Variants in HEATR5B observed in about 807,000 individuals in gnomAD.
HEATR5B encodes the protein HEAT repeat-containing protein 5B.
Under a neutral mutation model 224.1 loss-of-function variants are expected in HEATR5B, and 156 were observed. The ratio of observed to expected loss-of-function variants is 0.70; its 90% CI spans 0.61 to 0.80. The LOEUF (loss-of-function observed/expected upper bound fraction) is 0.80. Ranked by LOEUF, HEATR5B falls within the 30% of genes least tolerant of loss-of-function variation. The pLI, the probability that HEATR5B is intolerant of heterozygous loss-of-function variation, is 0.00. For missense variants in HEATR5B, 2,323 were observed against 2,535.5 expected (o/e 0.92, Z 1.80); for synonymous variants, 1,027 against 893.0 (o/e 1.15, Z -2.68).
At chr2:37,016,912 C>A (rs142963803) in intron 26 of HEATR5B, among the ~76,000 whole-genome samples, 52 of 151,818 alleles carry the variant, frequency 3.4e-4, no homozygotes, top group African/African-American at 1.1e-3. Flanking sequence ...GTCAAAACTG[C>A]TGAAAAATAA....
At chr2:37,014,160 G>A (rs937247286) in intron 26 of HEATR5B, 140 bp from the exon 27 acceptor site, 1 of 435,012 alleles carries the variant, frequency 2.3e-6, no homozygotes, top group Non-Finnish European at 4.0e-6. Context: ...GCTATGCTTT[G>A]ATATTATTAT....
In HEATR5B at chr2:37,068,889, C is replaced by T. The variant is rs1671741143; in HGVS notation, c.969G>A (p.Leu323=). Residue 323 remains leucine (L), a synonymous_variant, in exon 8 of 36, where the codon TTG becomes TTA. Transcript: ENST00000233099. ...ACAGGAACGTGGCAAAGCTGCGCTC[C>T]AACCACTGACCACCCAATGTTGTCA... The part of the protein sequence containing the change: ...VFVTTLGGQW[L]ERSFATFLSH... 6.2e-7 allele frequency: 1 copy of T among 1,614,122 alleles called. No homozygotes were observed. The highest frequency in any genetic ancestry group is 1.3e-5 in the African/African-American group (1 of 75,044).
chr2:37,063,636 G>C (rs1671416452), intron 10 of HEATR5B, among the ~76,000 whole-genome samples: 1 of 152,100 alleles, frequency 6.6e-6, no homozygotes. Context: ...CAACTGCTAT[G>C]AATGGACATG....
chr2:37,032,584 A>G, intron 22 of HEATR5B, 45 bp downstream of exon 22: 3 of 1,519,362 alleles, frequency 2.0e-6, no homozygotes, highest in African/African-American at 1.4e-5. Flanking sequence ...CTGAAATGTA[A>G]AAGTAGTTAA....
rs1359646098 is a variant in HEATR5B, at chr2:37,037,854, C to A, written c.3216+1G>T. The A allele has an allele frequency of 6.6e-7, 1 of 1,517,788 alleles. No homozygotes were observed. The highest frequency in any genetic ancestry group is 8.9e-7 in the Non-Finnish European group (1 of 1,128,904). The allele number at this position is 1,517,788 out of a possible 1,614,324, so 94.0% of individuals were successfully genotyped here. ...AATGAATGAAATAGCTCTATACTTACACAAAGGCTAGGAACAAGGCTAGAT... is the reference window on the plus strand; with the variant it reads ...AATGAATGAAATAGCTCTATACTTAAACAAAGGCTAGGAACAAGGCTAGAT... On this transcript the variant is annotated splice_donor_variant, in intron 21 of 35. Transcript: ENST00000233099. LOFTEE classifies it high-confidence loss of function.
chr2:37,010,567 G>T (rs1469227046), intron 27 of HEATR5B, among the ~76,000 whole-genome samples: 1 of 151,218 alleles, frequency 6.6e-6, no homozygotes, highest in African/African-American at 2.4e-5. Context: ...AGGCTGGAGT[G>T]CAGTGGTGCG....
intron 26 of HEATR5B, among the ~76,000 whole-genome samples, chr2:37,019,051 AG>A: frequency 6.6e-6 from 1 of 151,938 alleles, no homozygotes. Context: ...CCAGCTACTC[AG>A]GAGGCCGAGG....
chr2:37,007,431 C>A (rs1258980441), intron 28 of HEATR5B, 127 bp from the exon 29 acceptor site: 27 of 1,027,798 alleles, frequency 2.6e-5, no homozygotes, highest in Non-Finnish European at 3.5e-5. Context: ...GCAACCTCCT[C>A]CTGCTGGGTT....
At chr2:36,993,062 G>T (rs952734059) in intron 33 of HEATR5B, among the ~76,000 whole-genome samples, 3 of 152,134 alleles carry the variant, frequency 2.0e-5, no homozygotes, top group Non-Finnish European at 4.4e-5. Flanking sequence ...AGAAGATGGG[G>T]CATCTAAATA....
chr2:37,080,427 G>A (rs572436193), intron 2 of HEATR5B, among the ~76,000 whole-genome samples: 10 of 152,244 alleles, frequency 6.6e-5, no homozygotes, highest in African/African-American at 2.2e-4. Context: ...AGATAATAGC[G>A]GTAACCATAG....
intron 30 of HEATR5B, among the ~76,000 whole-genome samples, chr2:37,004,914 CCT>C (rs1414228468): frequency 7.2e-5 from 11 of 152,266 alleles, no homozygotes; most frequent in African/African-American, 2.4e-4. Flanking sequence ...AACTGGCCTC[CCT>C]GTCTCCCTTC....
intron 34 of HEATR5B, among the ~76,000 whole-genome samples, chr2:36,989,899 C>T (rs372754914): frequency 9.0e-5 from 8 of 88,912 alleles, no homozygotes; most frequent in Non-Finnish European, 1.0e-4. Flanking sequence ...AGAATGTTTC[C>T]TTTTTTTTTT....
intron 33 of HEATR5B, among the ~76,000 whole-genome samples, chr2:36,991,533 G>C (rs1666332045): frequency 6.7e-6 from 1 of 149,900 alleles, no homozygotes; most frequent in African/African-American, 2.5e-5. Flanking sequence ...ATTTCCTGAA[G>C]ACAGTGTTCT....
At chr2:37,006,609 C>G (rs1011722729) in intron 29 of HEATR5B, among the ~76,000 whole-genome samples, 1 of 152,090 alleles carries the variant, frequency 6.6e-6, no homozygotes, top group African/African-American at 2.4e-5. Flanking sequence ...CCACTGCACT[C>G]CAGCCTGGGC....
intron 24 of HEATR5B, among the ~76,000 whole-genome samples, chr2:37,025,850 C>CT (rs1045829726): frequency 6.6e-6 from 1 of 152,156 alleles, no homozygotes; most frequent in Non-Finnish European, 1.5e-5. Context: ...TCCTCTGATT[C>CT]TTTTTATTTA....
At chr2:37,038,302 G>C (rs1412475320) in intron 20 of HEATR5B, among the ~76,000 whole-genome samples, 1 of 151,986 alleles carries the variant, frequency 6.6e-6, no homozygotes, top group Non-Finnish European at 1.5e-5. Context: ...ACCACGCCCA[G>C]CTGATTTTTG....
At chr2:37,082,685 A>G (rs932306488) in intron 2 of HEATR5B, among the ~76,000 whole-genome samples, 12 of 152,224 alleles carry the variant, frequency 7.9e-5, no homozygotes, top group African/African-American at 2.9e-4. Context: ...CATAAGGGAT[A>G]CTTTTAGCTA....
chr2:37,036,967 G>A (rs1669519556), intron 21 of HEATR5B, among the ~76,000 whole-genome samples: 2 of 151,268 alleles, frequency 1.3e-5, no homozygotes, highest in Admixed American at 6.6e-5. Context: ...ACAGAGGCTT[G>A]ATCTTGTCTC....
In HEATR5B at chr2:37,049,753, G is replaced by C; in HGVS notation, c.2596C>G (p.Pro866Ala). 3 of 1,612,548 alleles carry C rather than the reference G, an allele frequency of 1.9e-6. No individual in the cohort carries two copies. Among genetic ancestry groups the C allele is most frequent in the Non-Finnish European group, 2.5e-6 (3 of 1,179,774 alleles). The change falls in exon 18 of 36, where the codon CCC becomes GCC. Residue 866 changes from proline to alanine, a missense_variant. By Grantham distance (27) the Pro-to-Ala change is conservative (BLOSUM62 -1). Around this residue, in one of 12 missense-constraint regions of HEATR5B, gnomAD observed 170 missense variants for 216.7 expected, o/e 0.78. Transcript: ENST00000233099. ...LVMGPLDNPN[P>A]ILRCAAGEAL... Reference sequence around the variant, plus strand: ...TCCCCCGCTGCACAACGTAAGATGGGGTTTGGGTTGTCCAGAGGACCCATA... The same window carrying C: ...TCCCCCGCTGCACAACGTAAGATGGCGTTTGGGTTGTCCAGAGGACCCATA...
Sources: gnomAD v4.1 joint callset for allele counts (sites outside exome capture counted in the v4.1 genomes callset) on GRCh38, gnomAD v4.1.1 for gene constraint, gnomAD v4.1.1 regional missense constraint, MANE v1.5 for transcripts, NCBI Gene and HGNC (gene_info 2026-07-23, HGNC 2026-07-21) for gene names.